Variants in CTNND2 observed in about 807,000 individuals in gnomAD.
CTNND2 encodes catenin delta 2.
A neutral mutation model predicts 144.4 loss-of-function variants in CTNND2; 22 were observed. The observed-to-expected ratio is 0.15, with a 90% confidence interval of 0.11 to 0.22. The LOEUF is 0.22. Ranked by LOEUF, CTNND2 falls within the 10% of genes least tolerant of loss-of-function variation. The pLI is 1.00. For synonymous variants in CTNND2, 751 were observed against 695.6 expected, an observed-to-expected ratio of 1.08 and a Z score of -1.25; for missense variants, 1,353 against 1,618.8, an observed-to-expected ratio of 0.84 and a Z score of 2.82.
intron 1 of CTNND2, among the ~76,000 whole-genome samples, chr5:11,781,898 A>G (rs755835904): frequency 2.4e-4 from 36 of 152,242 alleles, no homozygotes; most frequent in Non-Finnish European, 1.9e-4. Context: ...AAATGTGCCT[A>G]TACTTGGGCA....
intron 1 of CTNND2, among the ~76,000 whole-genome samples, chr5:11,743,525 C>G (rs1183843458): frequency 2.0e-5 from 3 of 152,160 alleles, no homozygotes; most frequent in African/African-American, 7.2e-5. Context: ...AATATAGAAT[C>G]TGGCAAAACA....
intron 9 of CTNND2, among the ~76,000 whole-genome samples, chr5:11,242,767 G>A (rs965796387): frequency 6.6e-6 from 1 of 152,172 alleles, no homozygotes; most frequent in African/African-American, 2.4e-5. Context: ...CACAGGATTT[G>A]GCATCAGAAT....
chr5:11,490,853 T>C (rs986281197), intron 3 of CTNND2, among the ~76,000 whole-genome samples: 3 of 152,150 alleles, frequency 2.0e-5, no homozygotes, highest in African/African-American at 7.2e-5. Flanking sequence ...CCTGGCATGG[T>C]GGCTCACCCC....
At chr5:11,327,297 G>T (rs1752628295) in intron 9 of CTNND2, among the ~76,000 whole-genome samples, 1 of 152,146 alleles carries the variant, frequency 6.6e-6, no homozygotes, top group Non-Finnish European at 1.5e-5. Flanking sequence ...AAGGCAAAGT[G>T]GGACAAAGGC....
At chr5:11,278,743 G>C (rs1005566005) in intron 9 of CTNND2, among the ~76,000 whole-genome samples, 4 of 152,196 alleles carry the variant, frequency 2.6e-5, no homozygotes, top group African/African-American at 9.6e-5. Context: ...AATAGATGAA[G>C]ATGGGCAGAG....
intron 9 of CTNND2, among the ~76,000 whole-genome samples, chr5:11,299,491 G>A (rs1304596580): frequency 1.3e-5 from 2 of 152,080 alleles, no homozygotes; most frequent in African/African-American, 2.4e-5. Flanking sequence ...GCTTGCATGA[G>A]GTACACCCAA....
At chr5:11,843,153 C>T (rs1281355664) in intron 1 of CTNND2, among the ~76,000 whole-genome samples, 1 of 152,152 alleles carries the variant, frequency 6.6e-6, no homozygotes, top group African/African-American at 2.4e-5. Flanking sequence ...AGTTGCACTT[C>T]TTATCTTACT....
At chr5:11,742,915 C>T (rs915928263) in intron 1 of CTNND2, among the ~76,000 whole-genome samples, 4 of 152,110 alleles carry the variant, frequency 2.6e-5, no homozygotes, top group African/African-American at 9.7e-5. Flanking sequence ...ACTCTCATCA[C>T]CAAAACTGCA....
At chr5:11,507,294 GAGTA>G (rs555319517) in intron 3 of CTNND2, among the ~76,000 whole-genome samples, 9 of 152,176 alleles carry the variant, frequency 5.9e-5, no homozygotes, top group Non-Finnish European at 1.3e-4. Flanking sequence ...GCTCTATGTA[GAGTA>G]AGCTAAGAGA....
intron 12 of CTNND2, among the ~76,000 whole-genome samples, chr5:11,136,925 A>G (rs540692716): frequency 6.6e-6 from 1 of 152,298 alleles, no homozygotes; most frequent in Non-Finnish European, 1.5e-5. Context: ...GACCAGGCTA[A>G]ATTCATTGGT....
chr5:11,163,537 A>G (rs1759001447), intron 11 of CTNND2, among the ~76,000 whole-genome samples: 1 of 152,152 alleles, frequency 6.6e-6, no homozygotes, highest in Non-Finnish European at 1.5e-5. Context: ...AATAGACAAT[A>G]TACCTTTCCT....
intron 9 of CTNND2, among the ~76,000 whole-genome samples, chr5:11,242,400 G>T (rs1030737683): frequency 6.6e-6 from 1 of 152,150 alleles, no homozygotes; most frequent in African/African-American, 2.4e-5. Context: ...AAACTATGTT[G>T]CCTGCTATAA....
chr5:11,832,379 T>G (rs1793954074), intron 1 of CTNND2, among the ~76,000 whole-genome samples: 1 of 151,834 alleles, frequency 6.6e-6, no homozygotes, highest in East Asian at 1.9e-4. Context: ...AGAAGATATC[T>G]CCAAAGCACT....
intron 10 of CTNND2, among the ~76,000 whole-genome samples, chr5:11,210,231 T>C (rs972712175): frequency 3.9e-5 from 6 of 152,112 alleles, no homozygotes; most frequent in Non-Finnish European, 8.8e-5. Context: ...ACCCTGTCTC[T>C]ACTAAAAATA....
chr5:11,529,863 G>A (rs1239744416), intron 3 of CTNND2, among the ~76,000 whole-genome samples: 5 of 151,462 alleles, frequency 3.3e-5, no homozygotes, highest in Non-Finnish European at 7.4e-5. Context: ...TACACACTTG[G>A]GTATCTAAAA....
chr5:11,154,462 GCA>G (rs1277523244), intron 12 of CTNND2, among the ~76,000 whole-genome samples: 2 of 152,174 alleles, frequency 1.3e-5, no homozygotes, highest in Non-Finnish European at 2.9e-5. Context: ...ATGGCCTTGT[GCA>G]CAAAGAAAAA....
At chr5:11,750,330 G>A (rs918566666) in intron 1 of CTNND2, among the ~76,000 whole-genome samples, 2 of 151,860 alleles carry the variant, frequency 1.3e-5, no homozygotes, top group Non-Finnish European at 2.9e-5. Flanking sequence ...TGTTGTATTA[G>A]GGTGGCAGAG....
intron 11 of CTNND2, among the ~76,000 whole-genome samples, chr5:11,169,777 C>T (rs563528527): frequency 6.3e-4 from 96 of 152,246 alleles, no homozygotes; most frequent in Middle Eastern, 3.4e-3. Flanking sequence ...CAAGAGTCCC[C>T]GGATTGGAGA....
intron 9 of CTNND2, among the ~76,000 whole-genome samples, chr5:11,274,763 A>C (rs1038176087): frequency 3.3e-5 from 5 of 152,210 alleles, no homozygotes; most frequent in African/African-American, 1.2e-4. Context: ...CAATGTTTTT[A>C]ATCTAAGCAA....
Sources: gnomAD v4.1 joint callset for allele counts (sites outside exome capture counted in the v4.1 genomes callset) on GRCh38, gnomAD v4.1.1 for gene constraint, MANE v1.5 for transcripts, NCBI Gene and HGNC (gene_info 2026-07-23, HGNC 2026-07-21) for gene names.